Variants in LHFPL3 observed in about 807,000 individuals in gnomAD.
The protein encoded by LHFPL3 is LHFPL tetraspan subfamily member 3 protein.
LHFPL3 carries 5 observed loss-of-function variants against 19.3 expected under a neutral mutation model. The observed-to-expected ratio is 0.26, with a 90% CI of 0.14 to 0.54. The LOEUF (loss-of-function observed/expected upper bound fraction) is 0.54, where lower values mean the gene tolerates loss of function less well. Among genes scored for constraint, LHFPL3 ranks in the 20% least tolerant of loss-of-function variants. The pLI, the probability that LHFPL3 is intolerant of heterozygous loss-of-function variation, is 0.94. For missense variants in LHFPL3, 249 were observed against 307.4 expected (o/e 0.81, Z 1.42); for synonymous variants, 133 against 126.2 (o/e 1.05, Z -0.36).
intron 1 of LHFPL3, among the ~76,000 whole-genome samples, chr7:104,499,199 C>T (rs1436203445): frequency 6.6e-6 from 1 of 152,168 alleles, no homozygotes; most frequent in Non-Finnish European, 1.5e-5. Flanking sequence ...AGTCAGGAGA[C>T]AGAGTCTAGT....
chr7:104,844,316 G>A lies in LHFPL3; in HGVS notation c.683-61871G>A, dbSNP rs1439916773. On this transcript the variant is annotated intron_variant, in intron 2 of 2. Transcript: ENST00000424859. ...AAAATGCAAGACAACAGCATGGCAG[G>A]GCAATACCTGAGGATGTGTACATAG... 2.0e-5 allele frequency among the ~76,000 whole-genome samples: 3 copies of A among 152,224 alleles called. No homozygotes were observed. The South Asian group carries it at 6.2e-4, about 32-fold the overall frequency.
intron 1 of LHFPL3, among the ~76,000 whole-genome samples, chr7:104,461,256 C>T (rs1792657586): frequency 6.6e-6 from 1 of 152,174 alleles, no homozygotes; most frequent in Admixed American, 6.5e-5. Context: ...GGGGAAACTG[C>T]CTCCATGATT....
chr7:104,781,556 G>A (rs750160292), intron 2 of LHFPL3, among the ~76,000 whole-genome samples: 26 of 151,866 alleles, frequency 1.7e-4, no homozygotes, highest in African/African-American at 6.1e-4. Context: ...TGAAATTTGC[G>A]CATCTACTAA....
At chr7:104,472,573 G>C (rs1369433817) in intron 1 of LHFPL3, among the ~76,000 whole-genome samples, 1 of 152,168 alleles carries the variant, frequency 6.6e-6, no homozygotes, top group East Asian at 1.9e-4. Flanking sequence ...GTGGGTTCCT[G>C]AGAGGGTATG....
At chr7:104,445,002 G>A (rs1044547930) in intron 1 of LHFPL3, among the ~76,000 whole-genome samples, 1 of 149,142 alleles carries the variant, frequency 6.7e-6, no homozygotes, top group Non-Finnish European at 1.5e-5. Flanking sequence ...AAAAAAAAAA[G>A]AATATTTATC....
intron 1 of LHFPL3, among the ~76,000 whole-genome samples, chr7:104,507,866 C>G (rs1483189082): frequency 1.9e-5 from 2 of 107,238 alleles, no homozygotes; most frequent in Non-Finnish European, 3.9e-5. Context: ...AAATGCTCAT[C>G]ATCACTGGCC....
At chr7:104,589,449 C>G (rs1002266864) in intron 1 of LHFPL3, among the ~76,000 whole-genome samples, 1 of 152,112 alleles carries the variant, frequency 6.6e-6, no homozygotes, top group African/African-American at 2.4e-5. Flanking sequence ...GCCTTGCATC[C>G]CAGTGATGAA....
intron 1 of LHFPL3, among the ~76,000 whole-genome samples, chr7:104,533,280 C>T (rs1241191650): frequency 6.6e-6 from 1 of 152,180 alleles, no homozygotes; most frequent in Non-Finnish European, 1.5e-5. Context: ...TAGTTCTCCT[C>T]CTCCTTTCTT....
At chr7:104,838,904 A>G (rs868289156) in intron 2 of LHFPL3, among the ~76,000 whole-genome samples, 4 of 152,354 alleles carry the variant, frequency 2.6e-5, no homozygotes, top group Non-Finnish European at 4.4e-5. Flanking sequence ...CATGTTTTTA[A>G]AAGTCACTTT....
intron 1 of LHFPL3, among the ~76,000 whole-genome samples, chr7:104,693,005 C>A (rs1466959205): frequency 6.6e-6 from 1 of 152,196 alleles, no homozygotes; most frequent in African/African-American, 2.4e-5. Context: ...TGCAAAGCCA[C>A]GAGGTTGGAG....
intron 2 of LHFPL3, among the ~76,000 whole-genome samples, chr7:104,878,024 G>A (rs532913470): frequency 1.3e-5 from 2 of 152,166 alleles, no homozygotes; most frequent in South Asian, 2.1e-4. Context: ...TAGTAGAGAC[G>A]GGGTTTCACC....
At chr7:104,367,536 G>A (rs954029860) in intron 1 of LHFPL3, among the ~76,000 whole-genome samples, 1 of 152,142 alleles carries the variant, frequency 6.6e-6, no homozygotes, top group Admixed American at 6.5e-5. Flanking sequence ...ATGGCTTTGG[G>A]GTATAGATCG....
chr7:104,478,781 C>T (rs1019875004), intron 1 of LHFPL3, among the ~76,000 whole-genome samples: 1 of 152,148 alleles, frequency 6.6e-6, no homozygotes, highest in Non-Finnish European at 1.5e-5. Context: ...ACGTAGCTCT[C>T]AACTATTAGG....
chr7:104,786,740 A>T (rs1240391304), intron 2 of LHFPL3, among the ~76,000 whole-genome samples: 1 of 144,630 alleles, frequency 6.9e-6, no homozygotes, highest in Non-Finnish European at 1.5e-5. Context: ...TAAAACTTGA[A>T]AAAAAGATTT....
chr7:104,662,089 A>G (rs1792232804), intron 1 of LHFPL3, among the ~76,000 whole-genome samples: 1 of 152,206 alleles, frequency 6.6e-6, no homozygotes, highest in African/African-American at 2.4e-5. Context: ...TGAATGACAC[A>G]CAGTTTAAAA....
intron 1 of LHFPL3, among the ~76,000 whole-genome samples, chr7:104,735,778 C>T (rs1430767762): frequency 2.0e-5 from 3 of 152,240 alleles, no homozygotes; most frequent in Non-Finnish European, 4.4e-5. Context: ...CAGAAATCAC[C>T]TGTCTTCTGT....
intron 1 of LHFPL3, among the ~76,000 whole-genome samples, chr7:104,356,316 C>T (rs1050974894): frequency 6.6e-6 from 1 of 152,114 alleles, no homozygotes; most frequent in Non-Finnish European, 1.5e-5. Context: ...TGACCATACA[C>T]CCAAAGAAAG....
intron 2 of LHFPL3, among the ~76,000 whole-genome samples, chr7:104,742,577 C>T (rs1161471519): frequency 1.3e-5 from 2 of 152,162 alleles, no homozygotes; most frequent in East Asian, 1.9e-4. Flanking sequence ...GATCAAGCTG[C>T]CCAGTGCTAG....
intron 1 of LHFPL3, among the ~76,000 whole-genome samples, chr7:104,689,790 G>T (rs1050596285): frequency 2.5e-4 from 38 of 152,264 alleles, no homozygotes; most frequent in African/African-American, 7.7e-4. Flanking sequence ...GCTTATGGAG[G>T]TCAGGTAATT....
Sources: gnomAD v4.1 joint callset for allele counts (sites outside exome capture counted in the v4.1 genomes callset) on GRCh38, gnomAD v4.1.1 for gene constraint, MANE v1.5 for transcripts, NCBI Gene and HGNC (gene_info 2026-07-23, HGNC 2026-07-21) for gene names.